Variants in ZFP1 observed in about 807,000 individuals in gnomAD.
ZFP1 encodes ZFP1 zinc finger protein, also known as zinc finger protein 1 homolog.
ZFP1 carries 32 observed loss-of-function variants against 38.5 expected under a neutral mutation model. That is an observed-to-expected ratio of 0.83 (90% CI 0.63 to 1.12). The LOEUF (loss-of-function observed/expected upper bound fraction) is 1.12. ZFP1 is among the 50% of genes most tolerant of loss of function. The pLI is 0.00. For synonymous variants in ZFP1, 245 were observed against 168.8 expected, an observed-to-expected ratio of 1.45 and a Z score of -3.50; for missense variants, 616 against 480.8, an observed-to-expected ratio of 1.28 and a Z score of -2.63.
At chr16:75,126,736 C>T in the ZFP1 span, among the ~76,000 whole-genome samples, 9 of 152,136 alleles carry the variant, frequency 5.9e-5, no homozygotes, top group South Asian at 1.2e-3. Context: ...GACTTGTAAT[C>T]CTATTTTGTA....
chr16:75,165,499 A>G (rs1358807943), intron 2 of ZFP1, among the ~76,000 whole-genome samples: 2 of 151,834 alleles, frequency 1.3e-5, no homozygotes, highest in Admixed American at 6.6e-5. Context: ...GGTTCAAGCA[A>G]TTCTCCTGTC....
chr16:75,155,216 G>A (rs928026613), intron 2 of ZFP1, among the ~76,000 whole-genome samples: 1 of 152,140 alleles, frequency 6.6e-6, no homozygotes, highest in Non-Finnish European at 1.5e-5. Context: ...CTGCAGCCTC[G>A]ACTTGCTGGA....
rs987900436 is a variant in ZFP1, at chr16:75,152,793, C to T, written c.-43-116C>T. 3.0e-5 allele frequency: 27 copies of T among 890,694 alleles called. No homozygotes were observed. The African/African-American group carries it at 3.4e-4, about 11-fold the overall frequency. The allele number at this position is 890,694 out of a possible 1,614,324, so 55.2% of individuals were successfully genotyped here. ...CCTTCTGAAGAGGCAAAGGGACTTT[C>T]CCAGGAGGTGGTATTTTCCCAGGTG... On this transcript the variant is annotated intron_variant, in intron 1 of 3. Coordinates refer to ENST00000570010, the MANE Select transcript of ZFP1 (RefSeq NM_153688.4).
At chr16:75,129,454 G>A in the ZFP1 span, among the ~76,000 whole-genome samples, 2 of 152,128 alleles carry the variant, frequency 1.3e-5, no homozygotes, top group Non-Finnish European at 2.9e-5. Context: ...AACTGCTTAG[G>A]GCAAACCTGC....
chr16:75,161,611 C>G (rs1291852820), intron 2 of ZFP1, among the ~76,000 whole-genome samples: 1 of 150,470 alleles, frequency 6.6e-6, no homozygotes, highest in East Asian at 2.0e-4. Flanking sequence ...TTACTTGTAA[C>G]CTATTCTCTC....
At chr16:75,129,307 A>G in the ZFP1 span, among the ~76,000 whole-genome samples, 13 of 152,330 alleles carry the variant, frequency 8.5e-5, no homozygotes, top group East Asian at 2.3e-3. Context: ...GAGAGATCAG[A>G]TGAAACCTGA....
rs1275157503 is a variant in ZFP1 at position 75,169,421 on chromosome 16, A to T, written c.311A>T (p.Tyr104Phe). 1.2e-6 allele frequency: 2 copies of T among 1,613,612 alleles called. No homozygotes were observed. The highest frequency in any genetic ancestry group is 1.3e-5 in the African/African-American group (1 of 74,868). The change falls in exon 4 of 4, where the codon TAT becomes TTT. Residue 104 changes from tyrosine to phenylalanine, a missense_variant. Coordinates refer to ENST00000570010, the MANE Select transcript of ZFP1 (RefSeq NM_153688.4). ...TDFVSLRQVP[Y>F]KYDLYEKTLK... Reference sequence around the variant, plus strand: ...TTTGTTTCTTTAAGACAAGTACCTTATAAATATGACTTATATGAAAAAACT... The same window carrying T: ...TTTGTTTCTTTAAGACAAGTACCTTTTAAATATGACTTATATGAAAAAACT...
At chr16:75,156,299 CAA>C (rs561633324) in intron 2 of ZFP1, among the ~76,000 whole-genome samples, 1 of 151,724 alleles carries the variant, frequency 6.6e-6, no homozygotes, top group Non-Finnish European at 1.5e-5. Context: ...ACTAAAAATA[CAA>C]AAAAAATTAG....
intron 2 of ZFP1, among the ~76,000 whole-genome samples, chr16:75,160,645 C>T (rs539344337): frequency 8.7e-5 from 11 of 127,002 alleles, no homozygotes; most frequent in African/African-American, 1.9e-4. Flanking sequence ...GGTGACAAAG[C>T]GAGACTGCCT....
At chr16:75,141,245 C>T in the ZFP1 span, among the ~76,000 whole-genome samples, 1 of 133,178 alleles carries the variant, frequency 7.5e-6, no homozygotes, top group Admixed American at 8.2e-5. Context: ...CTCTGTCGCC[C>T]AGGCTGGAGT....
the ZFP1 span, among the ~76,000 whole-genome samples, chr16:75,130,151 C>G: frequency 9.9e-5 from 15 of 152,148 alleles, no homozygotes; most frequent in East Asian, 2.9e-3. Flanking sequence ...CAGGTATGCA[C>G]TACCACACCT....
the ZFP1 span, among the ~76,000 whole-genome samples, chr16:75,139,623 T>C: frequency 6.6e-6 from 1 of 151,652 alleles, no homozygotes; most frequent in Non-Finnish European, 1.5e-5. Context: ...GGCCAGGAGG[T>C]GGAGGCTGGG....
chr16:75,145,156 T>G (rs1007029036), upstream of ZFP1, among the ~76,000 whole-genome samples: 1 of 152,262 alleles, frequency 6.6e-6, no homozygotes, highest in Non-Finnish European at 1.5e-5. Flanking sequence ...AATGCTGCTA[T>G]GAACATTGGT....
Position 75,166,911 on chromosome 16 carries a change from C to T in ZFP1, c.142+15C>T, listed in dbSNP as rs867484972. 3 of 1,611,478 alleles carry T rather than the reference C, an allele frequency of 1.9e-6. No homozygotes were observed. The highest frequency in any genetic ancestry group is 2.2e-5 in the East Asian group (1 of 44,820). On this transcript the variant is annotated intron_variant, in intron 3 of 3. Coordinates refer to ENST00000570010, the MANE Select transcript of ZFP1 (RefSeq NM_153688.4). ...ACTTTCAGTGGGTAAGGACGGTTTTCAGGTACAGCTCACCATGTGCCTAGA... is the reference window on the plus strand; with the variant it reads ...ACTTTCAGTGGGTAAGGACGGTTTTTAGGTACAGCTCACCATGTGCCTAGA...
At chr16:75,137,967 C>A in the ZFP1 span, among the ~76,000 whole-genome samples, 3 of 148,008 alleles carry the variant, frequency 2.0e-5, no homozygotes, top group Non-Finnish European at 4.4e-5. Flanking sequence ...TGCAGAATTC[C>A]AAATAAATTA....
chr16:75,153,582 G>T (rs1382176512), intron 2 of ZFP1, among the ~76,000 whole-genome samples: 1 of 152,108 alleles, frequency 6.6e-6, no homozygotes, highest in Non-Finnish European at 1.5e-5. Flanking sequence ...CAGAAAAATT[G>T]AATGGGGAAT....
the ZFP1 span, among the ~76,000 whole-genome samples, chr16:75,120,864 A>G: frequency 6.6e-6 from 1 of 152,002 alleles, no homozygotes; most frequent in East Asian, 1.9e-4. Context: ...TGACCTCATG[A>G]TCCGCCCGCC....
chr16:75,123,455 G>GTATATATATATA, the ZFP1 span, among the ~76,000 whole-genome samples: 13 of 87,276 alleles, frequency 1.5e-4, no homozygotes, highest in East Asian at 6.6e-4. Flanking sequence ...GTGTGTATAT[G>GTATATATATATA]TATATATATA....
At chr16:75,140,688 G>A in the ZFP1 span, among the ~76,000 whole-genome samples, 366 of 152,242 alleles carry the variant, frequency 2.4e-3, 1 homozygote, top group African/African-American at 8.5e-3. Flanking sequence ...GGCCGGGCAC[G>A]GTGGCTCACG....
Sources: allele counts gnomAD v4.1 joint callset (sites outside exome capture counted in the v4.1 genomes callset), GRCh38; gene constraint gnomAD v4.1.1; transcripts MANE v1.5; gene names NCBI Gene and HGNC (gene_info 2026-07-23, HGNC 2026-07-21).